Variants in TMIGD2 observed in about 807,000 individuals in gnomAD.
TMIGD2 encodes transmembrane and immunoglobulin domain containing 2.
TMIGD2 carries 18 observed loss-of-function variants against 22.6 expected under a neutral mutation model. The observed-to-expected ratio is 0.80, with a 90% CI of 0.55 to 1.18. The LOEUF is 1.18. Among genes scored for constraint, TMIGD2 ranks in the 50% most tolerant of loss-of-function variants. The pLI is 0.00. For synonymous variants in TMIGD2, 184 were observed against 154.1 expected (o/e 1.19, Z -1.44); for missense variants, 361 against 378.2 (o/e 0.95, Z 0.38).
exon 2 of TMIGD2, chr19:4,298,009 A>G (rs1464773188): frequency 6.2e-7 from 1 of 1,605,318 alleles, no homozygotes; most frequent in African/African-American, 1.3e-5. Flanking sequence ...GAGCCTTGTT[A>G]TGTTGCCCTC....
chr19:4,298,243 G>A (rs1971489613), exon 2 of TMIGD2: 2 of 1,612,838 alleles, frequency 1.2e-6, no homozygotes, highest in South Asian at 1.1e-5. Context: ...TTCCCAGGCT[G>A]TGGCCTGGTC....
chr19:4,299,426 TG>T (rs1246602308), intron 1 of TMIGD2, among the ~76,000 whole-genome samples: 2 of 151,734 alleles, frequency 1.3e-5, no homozygotes, highest in Non-Finnish European at 2.9e-5. Flanking sequence ...GGATTGTAGA[TG>T]TGAGCCACTG....
At chr19:4,299,415 G>C (rs113869351) in intron 1 of TMIGD2, among the ~76,000 whole-genome samples, 3 of 151,940 alleles carry the variant, frequency 2.0e-5, no homozygotes, top group African/African-American at 7.2e-5. Flanking sequence ...CCAAAGTGCT[G>C]GGATTGTAGA....
exon 4 of TMIGD2, chr19:4,294,628 C>A (rs201741234): frequency 2.2e-5 from 36 of 1,608,606 alleles, no homozygotes; most frequent in Non-Finnish European, 2.9e-5. Flanking sequence ...AGGCACCCCA[C>A]ACGATCGCAG....
At chr19:4,299,394 G>A (rs7251667) in intron 1 of TMIGD2, among the ~76,000 whole-genome samples, 18 of 151,572 alleles carry the variant, frequency 1.2e-4, no homozygotes, top group South Asian at 8.3e-4. Context: ...GATCCTCCCC[G>A]CTAACGCCTC....
chr19:4,293,242 T>G (rs892782083), intron 4 of TMIGD2, among the ~76,000 whole-genome samples: 1 of 149,394 alleles, frequency 6.7e-6, no homozygotes, highest in African/African-American at 2.5e-5. Flanking sequence ...ATTACAGGCG[T>G]GAGCCACCGC....
chr19:4,302,154 C>T (rs1344558723), intron 1 of TMIGD2, among the ~76,000 whole-genome samples, 186 bp downstream of exon 1: 1 of 151,914 alleles, frequency 6.6e-6, no homozygotes, highest in South Asian at 2.1e-4. Flanking sequence ...TAGATTGTAT[C>T]CTAGGGGCCC....
exon 5 of TMIGD2, chr19:4,292,245 G>T (rs538603568): frequency 2.9e-4 from 84 of 285,444 alleles, no homozygotes; most frequent in African/African-American, 1.7e-3. Flanking sequence ...TTCTTCACAA[G>T]CCTTTATTAG....
At chr19:4,295,231 A>C (rs2144732826) in intron 2 of TMIGD2, among the ~76,000 whole-genome samples, 1 of 146,990 alleles carries the variant, frequency 6.8e-6, no homozygotes, top group African/African-American at 2.5e-5. Context: ...ACTACGCTCC[A>C]GCCTGGGTGA....
At position 4,298,386 on chromosome 19, in the gene TMIGD2, C is replaced by T. The variant is rs371020666; in HGVS notation, c.47-41G>A. ...GGTAGAGGCGACCTTTCTGACTGTG[C>T]GCATGTGAGGCTGTGTGACTCACTC... On this transcript the variant is annotated intron_variant, in intron 1 of 4. Transcript: ENST00000301272. 1.6e-5 allele frequency: 24 copies of T among 1,513,066 alleles called. No homozygotes were observed. In the Middle Eastern group the frequency reaches 6.8e-4, roughly 43 times the overall value. 93.7% of individuals were successfully genotyped at this position (1,513,066 alleles called of 1,614,324 possible).
At chr19:4,297,046 G>A (rs1971470243) in intron 2 of TMIGD2, among the ~76,000 whole-genome samples, 1 of 149,798 alleles carries the variant, frequency 6.7e-6, no homozygotes, top group Non-Finnish European at 1.5e-5. Context: ...CTATCTGGAG[G>A]GTTTCTTCCA....
intron 1 of TMIGD2, among the ~76,000 whole-genome samples, chr19:4,300,440 C>T (rs978175877): frequency 6.6e-6 from 1 of 151,656 alleles, no homozygotes; most frequent in African/African-American, 2.4e-5. Flanking sequence ...ACCCGTAGTC[C>T]CAGCTACTCG....
chr19:4,296,556 G>A (rs572835993), intron 2 of TMIGD2, among the ~76,000 whole-genome samples: 4 of 152,264 alleles, frequency 2.6e-5, no homozygotes, highest in South Asian at 2.1e-4. Flanking sequence ...GGTTGGACCC[G>A]CGCCCACTCC....
At chr19:4,295,633 T>C (rs1235258865) in intron 2 of TMIGD2, among the ~76,000 whole-genome samples, 4 of 152,106 alleles carry the variant, frequency 2.6e-5, no homozygotes, top group Non-Finnish European at 5.9e-5. Flanking sequence ...AACTGGGATT[T>C]GTCATCATGA....
At chr19:4,296,542 G>A (rs1266006179) in intron 2 of TMIGD2, among the ~76,000 whole-genome samples, 1 of 152,332 alleles carries the variant, frequency 6.6e-6, no homozygotes, top group East Asian at 1.9e-4. Flanking sequence ...AGCCAGCTGT[G>A]TGGGGTTGGA....
At chr19:4,294,520 T>C in intron 4 of TMIGD2, 59 bp downstream of exon 4, 2 of 1,546,728 alleles carry the variant, frequency 1.3e-6, no homozygotes, top group East Asian at 2.3e-5. Context: ...AGTGGGTCTT[T>C]GTCAAGCAGC....
At chr19:4,293,026 C>G (rs1249750921) in intron 4 of TMIGD2, 141 bp from the exon 5 acceptor site, 1 of 1,280,916 alleles carries the variant, frequency 7.8e-7, no homozygotes, top group East Asian at 2.4e-5. Context: ...TGCAGTGGCG[C>G]AATCTCGGCT....
At chr19:4,299,179 CTATAGT>C (rs1971502696) in intron 1 of TMIGD2, among the ~76,000 whole-genome samples, 1 of 151,994 alleles carries the variant, frequency 6.6e-6, no homozygotes, top group Admixed American at 6.6e-5. Context: ...GGGTCTGGCT[CTATAGT>C]CCAGGCTGGA....
At chr19:4,293,915 C>T (rs1457169579) in intron 4 of TMIGD2, among the ~76,000 whole-genome samples, 1 of 151,732 alleles carries the variant, frequency 6.6e-6, no homozygotes, top group Non-Finnish European at 1.5e-5. Flanking sequence ...GCACAGGCCA[C>T]CACGCCTGGG....
Sources: allele counts gnomAD v4.1 joint callset (sites outside exome capture counted in the v4.1 genomes callset), GRCh38; gene constraint gnomAD v4.1.1; transcripts MANE v1.5; gene names NCBI Gene and HGNC (gene_info 2026-07-23, HGNC 2026-07-21).